Variants in CASP8 observed in about 807,000 individuals in gnomAD.
CASP8 encodes the protein caspase 8.
Under a neutral mutation model 46.3 loss-of-function variants are expected in CASP8, and 24 were observed. The observed-to-expected ratio is 0.52, with a 90% CI of 0.38 to 0.73. The LOEUF is 0.73. Ranked by LOEUF, CASP8 falls within the 30% of genes least tolerant of loss-of-function variation. The pLI, the probability that CASP8 is intolerant of heterozygous loss-of-function variation, is 0.00. For missense variants in CASP8, 460 were observed against 559.0 expected, an observed-to-expected ratio of 0.82 and a Z score of 1.79; for synonymous variants, 188 against 200.4, an observed-to-expected ratio of 0.94 and a Z score of 0.52.
intron 7 of CASP8, chr2:201,281,825 T>TTGAGAATGTTTTTA (rs1949037464): frequency 6.9e-7 from 1 of 1,442,942 alleles, no homozygotes; most frequent in Non-Finnish European, 9.2e-7. Context: ...CTTTCTCATT[T>TTGAGAATGTTTTTA]GCTTCAGGGT....
At chr2:201,269,501 C>T in intron 2 of CASP8, 4 of 1,607,658 alleles carry the variant, frequency 2.5e-6, no homozygotes, top group Middle Eastern at 3.3e-4. Context: ...CCATCTTGGT[C>T]CTTTGAAGGT....
intron 1 of CASP8, among the ~76,000 whole-genome samples, chr2:201,261,505 A>G (rs1360142398): frequency 6.6e-6 from 1 of 152,218 alleles, no homozygotes; most frequent in Non-Finnish European, 1.5e-5. Flanking sequence ...AAGAATTTAC[A>G]GGTGAAGTTG....
At chr2:201,263,325 A>G (rs768362537) in intron 1 of CASP8, among the ~76,000 whole-genome samples, 49 of 152,218 alleles carry the variant, frequency 3.2e-4, no homozygotes, top group Non-Finnish European at 1.2e-4. Flanking sequence ...GGAACTGGCT[A>G]TGTAAATTAT....
chr2:201,285,392 C>G (rs1949509285), intron 8 of CASP8, 75 bp downstream of exon 8: 2 of 1,524,424 alleles, frequency 1.3e-6, no homozygotes, highest in Admixed American at 3.3e-5. Flanking sequence ...ACTATCTACT[C>G]ATATTCAGAG....
intron 1 of CASP8, chr2:201,262,439 A>T (rs1342120624): frequency 6.6e-6 from 1 of 151,628 alleles, no homozygotes; most frequent in African/African-American, 2.4e-5. Flanking sequence ...ATACTTATGT[A>T]ATACAAATAG....
chr2:201,277,038 A>C (rs1365266439), intron 7 of CASP8, 70 bp downstream of exon 7: 1 of 1,146,548 alleles, frequency 8.7e-7, no homozygotes, highest in East Asian at 2.5e-5. Flanking sequence ...CAAAAGGGAG[A>C]GAACAAAAGC....
chr2:201,283,107 C>T (rs1949232510), intron 7 of CASP8, among the ~76,000 whole-genome samples: 4 of 70,262 alleles, frequency 5.7e-5, no homozygotes, highest in African/African-American at 1.3e-4. Context: ...ACCCCCCCAC[C>T]TCCCTCCTGG....
upstream of CASP8, chr2:201,258,398 C>T: frequency 6.2e-7 from 1 of 1,613,848 alleles, no homozygotes; most frequent in Non-Finnish European, 8.5e-7. Flanking sequence ...TGCCTGTTGC[C>T]AAGGTGGCCT....
chr2:201,281,682 T>A (rs1054429604), intron 7 of CASP8, among the ~76,000 whole-genome samples: 3 of 152,208 alleles, frequency 2.0e-5, no homozygotes, highest in Non-Finnish European at 2.9e-5. Context: ...ATTCAAAAAT[T>A]GTTTTGTTTT....
chr2:201,242,249 C>T (rs1467321452), intron 2 of CASP8: 1 of 152,188 alleles, frequency 6.6e-6, no homozygotes, highest in Non-Finnish European at 1.5e-5. Flanking sequence ...CATGCATATA[C>T]AGTGCCTTAG....
chr2:201,282,913 C>A (rs1576375442), intron 7 of CASP8, among the ~76,000 whole-genome samples: 1 of 73,488 alleles, frequency 1.4e-5, no homozygotes, highest in East Asian at 4.0e-4. Context: ...GCGCCCCTCA[C>A]CTCCCGGACG....
Position 201,272,717 on chromosome 2 carries a change from G to T in CASP8, c.491G>T (p.Cys164Phe), listed in dbSNP as rs764440338. The change falls in exon 4 of 9, where the codon TGT (cysteine) becomes TTT (phenylalanine). Residue 164 changes from cysteine (C) to phenylalanine (F), a missense_variant. Coordinates refer to ENST00000673742, the MANE Select transcript of CASP8 (RefSeq NM_001372051.1). The surrounding 1 kb of genome is among the most constrained non-coding windows in gnomAD (Gnocchi z 4.4). ...AAGTTGGACATCCTGAAAAGAGTCT[G>T]TGCCCAAATCAACAAGAGCCTGCTG... ...EGKLDILKRVCAQINKSLLKI... is the reference protein window; with the variant it reads ...EGKLDILKRVFAQINKSLLKI... 1.2e-6 allele frequency: 2 copies of T among 1,614,184 alleles called. No individual in the cohort carries two copies. The highest frequency in any genetic ancestry group is 2.2e-5 in the South Asian group (2 of 91,086).
rs1470524220 is a variant in CASP8 at position 201,282,696 on chromosome 2, T to C, written c.803-2120T>C. ...GGGCGGCTGGCCGGGCGGGGGGCTG[T>C]TCCCCCCACCTCCCTCCCGGATGGG... On this transcript the variant is annotated intron_variant, in intron 7 of 8. Transcript: ENST00000673742. Among the ~76,000 whole-genome samples the C allele has an allele frequency of 3.7e-4, 23 of 62,578 alleles. 4 individuals carry two copies. Among genetic ancestry groups the C allele is most frequent in the Admixed American group, 2.9e-3 (22 of 7,524 alleles). The allele number at this position is 62,578 out of a possible 152,430, so 41.1% of individuals were successfully genotyped here.
upstream of CASP8, among the ~76,000 whole-genome samples, chr2:201,257,452 T>A (rs1161349280): frequency 2.2e-5 from 3 of 135,162 alleles, no homozygotes; most frequent in African/African-American, 8.6e-5. Flanking sequence ...ACTGTACTGT[T>A]GCCTGGGCAA....
At chr2:201,267,630 T>C (rs1947915885) in intron 2 of CASP8, among the ~76,000 whole-genome samples, 1 of 152,226 alleles carries the variant, frequency 6.6e-6, no homozygotes, top group Non-Finnish European at 1.5e-5. Context: ...TTCATGATGC[T>C]GTGACAAGAC....
intron 2 of CASP8, among the ~76,000 whole-genome samples, chr2:201,245,284 C>T (rs533546187): frequency 7.3e-5 from 11 of 151,664 alleles, no homozygotes; most frequent in African/African-American, 2.7e-4. Context: ...CTCACTCTGT[C>T]ACCCAGGTTG....
chr2:201,281,809 T>TCTC (rs763426328), intron 7 of CASP8: 1 of 1,393,468 alleles, frequency 7.2e-7, no homozygotes, highest in South Asian at 1.2e-5. Context: ...ACAATAACAC[T>TCTC]CTCTCCTTTC....
At chr2:201,263,408 A>T (rs752210963) in intron 1 of CASP8, among the ~76,000 whole-genome samples, 1 of 152,232 alleles carries the variant, frequency 6.6e-6, no homozygotes, top group Non-Finnish European at 1.5e-5. Context: ...AAGACAGGAA[A>T]GTACTTACAA....
intron 2 of CASP8, among the ~76,000 whole-genome samples, chr2:201,237,083 C>CTTTTTT (rs1296037627): frequency 8.2e-6 from 1 of 121,352 alleles, no homozygotes; most frequent in African/African-American, 3.5e-5. Context: ...TGACCCCTTT[C>CTTTTTT]TATTTTTTTT....
Sources: gnomAD v4.1 joint callset for allele counts (sites outside exome capture counted in the v4.1 genomes callset) on GRCh38, gnomAD v4.1.1 for gene constraint, Gnocchi (gnomAD v3.1) non-coding constraint, MANE v1.5 for transcripts, NCBI Gene and HGNC (gene_info 2026-07-23, HGNC 2026-07-21) for gene names.